SOX6: variants seen among roughly 807,000 people sequenced by gnomAD.
SOX6 encodes transcription factor SOX-6.
SOX6 carries 11 observed loss-of-function variants against 97.8 expected under a neutral mutation model. That is an observed-to-expected ratio of 0.11 (90% CI 0.07 to 0.19). The LOEUF is 0.19. Among genes scored for constraint, SOX6 ranks in the 10% least tolerant of loss-of-function variants. SOX6 has a pLI of 1.00. For missense variants in SOX6, 810 were observed against 1,039.5 expected (o/e 0.78, Z 3.04); for synonymous variants, 360 against 371.4 (o/e 0.97, Z 0.35).
intron 4 of SOX6, among the ~76,000 whole-genome samples, chr11:16,606,467 G>A (rs1487373759): frequency 6.6e-6 from 1 of 152,148 alleles, no homozygotes; most frequent in Non-Finnish European, 1.5e-5. Flanking sequence ...ACAGAACGAG[G>A]AGGGATGACT....
chr11:16,510,883 G>A (rs1292484508), intron 4 of SOX6, among the ~76,000 whole-genome samples: 2 of 152,138 alleles, frequency 1.3e-5, no homozygotes, highest in Non-Finnish European at 2.9e-5. Flanking sequence ...GGGAGTGGGT[G>A]ATAGAGGAGA....
chr11:16,642,314 G>C (rs537070466), intron 3 of SOX6, among the ~76,000 whole-genome samples: 2 of 151,508 alleles, frequency 1.3e-5, no homozygotes, highest in East Asian at 3.9e-4. Flanking sequence ...GGGTAACCCA[G>C]GGTAACCCAG....
At chr11:16,575,574 CATG>C in intron 4 of SOX6, among the ~76,000 whole-genome samples, 1 of 152,130 alleles carries the variant, frequency 6.6e-6, no homozygotes, top group Admixed American at 6.5e-5. Context: ...AGTAGGTCTT[CATG>C]ATAATGATAC....
At chr11:16,243,455 T>G (rs1590058207) in intron 3 of SOX6, among the ~76,000 whole-genome samples, 1 of 151,944 alleles carries the variant, frequency 6.6e-6, no homozygotes, top group South Asian at 2.1e-4. Flanking sequence ...TTCCTTGATA[T>G]ACATAAAAAG....
chr11:16,248,062 G>T (rs2134194735), intron 3 of SOX6, among the ~76,000 whole-genome samples: 1 of 152,304 alleles, frequency 6.6e-6, no homozygotes, highest in Non-Finnish European at 1.5e-5. Flanking sequence ...ACGCAAGTCT[G>T]AAATCCAATA....
At chr11:16,364,102 A>T (rs982364405) in intron 1 of SOX6, among the ~76,000 whole-genome samples, 11 of 152,100 alleles carry the variant, frequency 7.2e-5, no homozygotes, top group African/African-American at 2.7e-4. Flanking sequence ...AACTATAAAG[A>T]ATTTTATTTT....
intron 4 of SOX6, among the ~76,000 whole-genome samples, chr11:16,511,814 T>C (rs1482782682): frequency 6.6e-6 from 1 of 152,180 alleles, no homozygotes; most frequent in Non-Finnish European, 1.5e-5. Flanking sequence ...CACTGCATCA[T>C]AATTTCTCTA....
chr11:16,190,109 G>C (rs1851588988), intron 4 of SOX6, among the ~76,000 whole-genome samples: 1 of 152,092 alleles, frequency 6.6e-6, no homozygotes, highest in African/African-American at 2.4e-5. Flanking sequence ...GGTGCTTCCA[G>C]GGTTAATAGA....
chr11:16,188,335 GA>G (rs1209466685), intron 4 of SOX6, among the ~76,000 whole-genome samples: 1 of 151,758 alleles, frequency 6.6e-6, no homozygotes, highest in African/African-American at 2.4e-5. Context: ...AAAGTTGTTA[GA>G]AAGTGTATTC....
At chr11:16,331,255 C>T (rs1228890888) in intron 2 of SOX6, among the ~76,000 whole-genome samples, 2 of 152,320 alleles carry the variant, frequency 1.3e-5, no homozygotes, top group East Asian at 3.9e-4. Context: ...TCATGGTATG[C>T]TCTTCATACC....
chr11:16,670,720 C>T (rs531145028), intron 3 of SOX6, among the ~76,000 whole-genome samples: 2 of 152,248 alleles, frequency 1.3e-5, no homozygotes, highest in Non-Finnish European at 2.9e-5. Flanking sequence ...TGGGGTGAAG[C>T]CCTCCGAAGA....
chr11:16,644,501 G>C (rs1848980984), intron 3 of SOX6, among the ~76,000 whole-genome samples: 1 of 152,088 alleles, frequency 6.6e-6, no homozygotes, highest in South Asian at 2.1e-4. Flanking sequence ...CTTCACTGAT[G>C]TTCATATCTG....
intron 4 of SOX6, among the ~76,000 whole-genome samples, chr11:16,505,508 T>G (rs1275559300): frequency 6.6e-6 from 1 of 152,144 alleles, no homozygotes; most frequent in African/African-American, 2.4e-5. Flanking sequence ...TTTGAAAAAT[T>G]TGCAGCCTGG....
At chr11:16,056,043 G>T (rs1419981387) in intron 9 of SOX6, 142 bp from the exon 10 acceptor site, 1 of 965,486 alleles carries the variant, frequency 1.0e-6, no homozygotes, top group African/African-American at 1.6e-5. Flanking sequence ...GAAGCTAAGA[G>T]AAGGCAAATA....
intron 2 of SOX6, among the ~76,000 whole-genome samples, chr11:16,728,856 A>G (rs558871427): frequency 5.3e-4 from 80 of 152,328 alleles, no homozygotes; most frequent in African/African-American, 1.9e-3. Flanking sequence ...AGGAATTGCT[A>G]ACTAGAATAA....
chr11:16,624,491 G>A (rs1048206012), intron 3 of SOX6, among the ~76,000 whole-genome samples: 1 of 152,004 alleles, frequency 6.6e-6, no homozygotes, highest in African/African-American at 2.4e-5. Flanking sequence ...TTAATTTTGA[G>A]TAGTATCCCA....
At chr11:15,982,516 G>A (rs1853689866) in intron 15 of SOX6, among the ~76,000 whole-genome samples, 1 of 152,068 alleles carries the variant, frequency 6.6e-6, no homozygotes, top group South Asian at 2.1e-4. Context: ...AAAATCTGAG[G>A]ATGCTCAAGT....
chr11:16,693,983 A>C (rs1848034524), intron 3 of SOX6, among the ~76,000 whole-genome samples: 1 of 152,192 alleles, frequency 6.6e-6, no homozygotes, highest in Non-Finnish European at 1.5e-5. Context: ...TAGAGAAGTA[A>C]TTAATTCTCC....
chr11:16,121,011 A>T (rs1168450868), intron 6 of SOX6, among the ~76,000 whole-genome samples: 2 of 152,086 alleles, frequency 1.3e-5, no homozygotes, highest in Non-Finnish European at 2.9e-5. Context: ...GAAAGGGCCA[A>T]TCCTTTCCTT....
Sources: gnomAD v4.1 joint callset for allele counts (sites outside exome capture counted in the v4.1 genomes callset) on GRCh38, gnomAD v4.1.1 for gene constraint, MANE v1.5 for transcripts, NCBI Gene and HGNC (gene_info 2026-07-23, HGNC 2026-07-21) for gene names.